TMEM163: variants seen among roughly 807,000 people sequenced by gnomAD.
TMEM163 encodes transmembrane protein 163.
A neutral mutation model predicts 29.3 loss-of-function variants in TMEM163; 17 were observed. That is an observed-to-expected ratio of 0.58 (90% CI 0.40 to 0.87). The LOEUF is 0.87. Ranked by LOEUF, TMEM163 falls within the 40% of genes least tolerant of loss-of-function variation. The pLI, the probability that TMEM163 is intolerant of heterozygous loss-of-function variation, is 0.00. For synonymous variants in TMEM163, 157 were observed against 160.6 expected (o/e 0.98, Z 0.17); for missense variants, 303 against 381.5 (o/e 0.79, Z 1.71).
At chr2:134,693,481 T>C (rs1459656768) in intron 2 of TMEM163, among the ~76,000 whole-genome samples, 3 of 151,936 alleles carry the variant, frequency 2.0e-5, no homozygotes, top group Non-Finnish European at 4.4e-5. Context: ...TGGAAGCATG[T>C]GCCTGTAATC....
intron 2 of TMEM163, among the ~76,000 whole-genome samples, chr2:134,668,698 G>A (rs1465091072): frequency 1.3e-5 from 2 of 151,544 alleles, no homozygotes; most frequent in South Asian, 2.1e-4. Flanking sequence ...CCATAACATG[G>A]GTGAATACAT....
At chr2:134,690,447 G>A (rs1248052179) in intron 2 of TMEM163, among the ~76,000 whole-genome samples, 1 of 151,896 alleles carries the variant, frequency 6.6e-6, no homozygotes, top group Non-Finnish European at 1.5e-5. Context: ...CACCATACCT[G>A]GCTAATTTTT....
intron 2 of TMEM163, among the ~76,000 whole-genome samples, chr2:134,611,490 G>A (rs1212356383): frequency 2.0e-5 from 3 of 152,202 alleles, no homozygotes; most frequent in Non-Finnish European, 2.9e-5. Flanking sequence ...AGGGGACAGG[G>A]ATGTTGGAAA....
chr2:134,603,536 C>T (rs1682282195), intron 2 of TMEM163, among the ~76,000 whole-genome samples: 1 of 152,166 alleles, frequency 6.6e-6, no homozygotes, highest in South Asian at 2.1e-4. Flanking sequence ...ACCTTCTGAA[C>T]ACCACTAGTA....
intron 4 of TMEM163, among the ~76,000 whole-genome samples, chr2:134,538,761 A>T (rs1371782513): frequency 6.6e-6 from 1 of 152,214 alleles, no homozygotes; most frequent in East Asian, 1.9e-4. Flanking sequence ...ATGTGTATGA[A>T]ATGTCCAACA....
In TMEM163 at chr2:134,622,999, A is replaced by G. The variant is rs569599184; in HGVS notation, c.323-70908T>C. Among the ~76,000 whole-genome samples, 189 of 152,260 alleles carry G rather than the reference A, an allele frequency of 1.2e-3. 2 individuals are homozygous for G. The highest frequency in any genetic ancestry group is 4.1e-3 in the African/African-American group (171 of 41,530). ...TTCTTACCATAGGAAGATAGCAGGA[A>G]AAAAGAGGAGGGCAAAAGCAGAAAG... On this transcript the variant is annotated intron_variant, in intron 2 of 7. Coordinates refer to ENST00000281924, the MANE Select transcript of TMEM163 (RefSeq NM_030923.5).
At chr2:134,530,611 C>G (rs1324039998) in intron 4 of TMEM163, among the ~76,000 whole-genome samples, 1 of 152,076 alleles carries the variant, frequency 6.6e-6, no homozygotes, top group Non-Finnish European at 1.5e-5. Context: ...CAGAGAAATT[C>G]AAAGAAGGCT....
intron 2 of TMEM163, among the ~76,000 whole-genome samples, chr2:134,696,269 C>T (rs899762838): frequency 2.6e-5 from 4 of 152,148 alleles, no homozygotes; most frequent in African/African-American, 7.2e-5. Flanking sequence ...TCTGGACTCC[C>T]TATTCAACTT....
chr2:134,665,168 A>C (rs1314422809), intron 2 of TMEM163, among the ~76,000 whole-genome samples: 3 of 152,222 alleles, frequency 2.0e-5, no homozygotes, highest in Non-Finnish European at 4.4e-5. Flanking sequence ...AGACATCTGT[A>C]TTAGTCTGTT....
At chr2:134,488,919 T>C (rs1489764156) in intron 5 of TMEM163, among the ~76,000 whole-genome samples, 1 of 152,188 alleles carries the variant, frequency 6.6e-6, no homozygotes, top group Non-Finnish European at 1.5e-5. Flanking sequence ...TAAAATGAGA[T>C]ACCATTTTCC....
At chr2:134,470,730 C>T (rs1420332929) in intron 5 of TMEM163, among the ~76,000 whole-genome samples, 1 of 152,230 alleles carries the variant, frequency 6.6e-6, no homozygotes, top group African/African-American at 2.4e-5. Flanking sequence ...CCAAAACCAG[C>T]TTTCAATGTC....
chr2:134,505,697 G>A (rs901431883), intron 4 of TMEM163, among the ~76,000 whole-genome samples: 5 of 152,168 alleles, frequency 3.3e-5, no homozygotes, highest in Non-Finnish European at 5.9e-5. Context: ...TTCTGACAGG[G>A]AACAGTGGTG....
At chr2:134,523,356 A>T (rs148011514) in intron 4 of TMEM163, among the ~76,000 whole-genome samples, 16 of 152,338 alleles carry the variant, frequency 1.1e-4, no homozygotes, top group African/African-American at 3.6e-4. Context: ...AAAAGGTCAC[A>T]TGCCAAAAAC....
rs547674413 is a variant in TMEM163, at chr2:134,606,995, T to A, written c.323-54904A>T. Among the ~76,000 whole-genome samples, 782 of 135,170 alleles carry A rather than the reference T, an allele frequency of 5.8e-3. 1 individual carries two copies. Among genetic ancestry groups the A allele is most frequent in the African/African-American group, 0.021 (729 of 34,452 alleles). The allele number at this position is 135,170 out of a possible 152,430, so 88.7% of individuals were successfully genotyped here. ...GAAAAGGAGGACAGACCCCGAGAAC[T>A]GTGCTGGTGAAAAGGACAGACCCCG... On this transcript the variant is annotated intron_variant, in intron 2 of 7. Transcript: ENST00000281924.
intron 4 of TMEM163, among the ~76,000 whole-genome samples, chr2:134,516,808 G>C (rs1490260196): frequency 2.3e-5 from 1 of 44,198 alleles, no homozygotes; most frequent in African/African-American, 1.7e-4. Flanking sequence ...TGTATGAAAG[G>C]TAAGGCTCCC....
intron 2 of TMEM163, among the ~76,000 whole-genome samples, chr2:134,570,645 G>T (rs191057251): frequency 6.6e-6 from 1 of 152,016 alleles, no homozygotes; most frequent in South Asian, 2.1e-4. Context: ...CCTATCCTGC[G>T]TCAGAGGAAA....
At chr2:134,689,472 A>G (rs1389002568) in intron 2 of TMEM163, among the ~76,000 whole-genome samples, 1 of 152,198 alleles carries the variant, frequency 6.6e-6, no homozygotes, top group Non-Finnish European at 1.5e-5. Flanking sequence ...TCTATTGGAC[A>G]GCACTGGTCT....
intron 2 of TMEM163, among the ~76,000 whole-genome samples, chr2:134,626,136 G>C (rs148311387): frequency 8.7e-6 from 1 of 115,492 alleles, no homozygotes; most frequent in Admixed American, 1.3e-4. Flanking sequence ...ACAGAGTCTC[G>C]CTCTGTCGCT....
At chr2:134,657,230 C>G (rs1683641260) in intron 2 of TMEM163, among the ~76,000 whole-genome samples, 1 of 152,120 alleles carries the variant, frequency 6.6e-6, no homozygotes, top group Non-Finnish European at 1.5e-5. Flanking sequence ...GTCCAGAGCT[C>G]TTTTTGGTTG....
Sources: gnomAD v4.1 joint callset for allele counts (sites outside exome capture counted in the v4.1 genomes callset) on GRCh38, gnomAD v4.1.1 for gene constraint, MANE v1.5 for transcripts, NCBI Gene and HGNC (gene_info 2026-07-23, HGNC 2026-07-21) for gene names.